Variants in GLCCI1 observed in about 807,000 individuals in gnomAD.
GLCCI1 encodes the protein glucocorticoid-induced transcript 1 protein.
In GLCCI1, 24 loss-of-function variants were observed where a neutral mutation model predicts 52.2. That is an observed-to-expected ratio of 0.46 (90% CI 0.33 to 0.65). GLCCI1 has a LOEUF of 0.65. Ranked by LOEUF, GLCCI1 falls within the 30% of genes least tolerant of loss-of-function variation. GLCCI1 has a pLI of 0.02. For missense variants in GLCCI1, 704 were observed against 701.5 expected, an observed-to-expected ratio of 1.00 and a Z score of -0.04; for synonymous variants, 310 against 276.5, an observed-to-expected ratio of 1.12 and a Z score of -1.20.
chr7:8,079,371 CTTGAGATACCTACTT>C lies in GLCCI1; in HGVS notation c.1178-5522_1178-5508del, dbSNP rs1438629198. ...ATTAAGATTGTATTACAGTGATTTT[CTTGAGATACCTACTT>C]TTGCGCAAGATACAAAATATTTTGT... On this transcript the variant is annotated intron_variant, in intron 6 of 7. Coordinates refer to ENST00000223145, the MANE Select transcript of GLCCI1 (RefSeq NM_138426.4). Among the ~76,000 whole-genome samples the C allele has an allele frequency of 6.8e-5, 10 of 146,628 alleles. No individual in the cohort carries two copies. The East Asian group carries it at 1.9e-3, about 28-fold the overall frequency.
chr7:7,999,997 TA>T (rs1339127737), intron 1 of GLCCI1, among the ~76,000 whole-genome samples: 1 of 152,216 alleles, frequency 6.6e-6, no homozygotes, highest in Non-Finnish European at 1.5e-5. Context: ...TTTTAATAAT[TA>T]AATGGACTAC....
chr7:7,968,995 G>T lies in GLCCI1; in HGVS notation c.-356G>T. The T allele has an allele frequency of 6.4e-6, 1 of 157,074 alleles. No individual in the cohort carries two copies. The highest frequency in any genetic ancestry group is 1.7e-4 in the South Asian group (1 of 5,764). 9.7% of individuals were successfully genotyped at this position (157,074 alleles called of 1,614,324 possible). On this transcript the variant is annotated 5_prime_UTR_variant, in exon 1 of 8. Transcript: ENST00000223145. ...CTGCGAGGGCTGAGGAGAAGGCTGC[G>T]AGCGGCCCTCGGGGCTGCGTGATCC... is the stretch of plus-strand genomic sequence containing the variant.
At chr7:8,052,432 G>C (rs1782279036) in intron 3 of GLCCI1, among the ~76,000 whole-genome samples, 1 of 152,186 alleles carries the variant, frequency 6.6e-6, no homozygotes, top group South Asian at 2.1e-4. Context: ...GTTTTGAGTT[G>C]GTTATGGCTT....
chr7:7,990,850 A>C lies in GLCCI1; in HGVS notation c.458-13058A>C, dbSNP rs558375197. Among the ~76,000 whole-genome samples the C allele has an allele frequency of 1.2e-4, 18 of 152,174 alleles. 1 individual carries two copies. In the East Asian group the frequency reaches 2.1e-3, roughly 18 times the overall value. The stretch of plus-strand genomic sequence containing the variant: ...TATTTCTGAAGCCTTCATTCTGTTG[A>C]GTCTGTTTATTCTGGGTTTACTCTA... On this transcript the variant is annotated intron_variant, in intron 1 of 7. Transcript: ENST00000223145.
intron 4 of GLCCI1, chr7:8,055,781 A>G: frequency 3.2e-6 from 1 of 311,296 alleles, no homozygotes; most frequent in Non-Finnish European, 6.2e-6. Context: ...CGAGGTCAGG[A>G]GATCAAGACC....
intron 1 of GLCCI1, among the ~76,000 whole-genome samples, chr7:7,973,179 G>A (rs1780391313): frequency 6.6e-6 from 1 of 152,020 alleles, no homozygotes; most frequent in Non-Finnish European, 1.5e-5. Flanking sequence ...TTTTGTAATG[G>A]TAATACATAA....
At chr7:7,985,733 A>G (rs1441236568) in intron 1 of GLCCI1, among the ~76,000 whole-genome samples, 1 of 152,198 alleles carries the variant, frequency 6.6e-6, no homozygotes, top group Non-Finnish European at 1.5e-5. Flanking sequence ...GTTTGGAGAA[A>G]AATCAATCCG....
intron 3 of GLCCI1, among the ~76,000 whole-genome samples, chr7:8,039,885 T>C (rs1781957781): frequency 6.6e-6 from 1 of 151,588 alleles, no homozygotes; most frequent in Non-Finnish European, 1.5e-5. Flanking sequence ...TAATCCCAGT[T>C]ACTTGGGCGG....
chr7:8,007,951 A>T (rs1473139013), intron 2 of GLCCI1, among the ~76,000 whole-genome samples: 1 of 152,228 alleles, frequency 6.6e-6, no homozygotes, highest in South Asian at 2.1e-4. Flanking sequence ...AATGTTAATT[A>T]AAAAAGTAGT....
intron 1 of GLCCI1, chr7:7,982,107 G>C: frequency 2.3e-6 from 1 of 435,422 alleles, no homozygotes; most frequent in Non-Finnish European, 4.5e-6. Context: ...GAGAGGAATG[G>C]CCATTATAGT....
intron 4 of GLCCI1, among the ~76,000 whole-genome samples, chr7:8,056,096 G>A (rs537576482): frequency 3.3e-5 from 5 of 151,728 alleles, no homozygotes; most frequent in Admixed American, 3.3e-4. Flanking sequence ...TCAGGAGTTC[G>A]AAACCAGCCT....
chr7:7,995,366 T>C (rs923363407), intron 1 of GLCCI1, among the ~76,000 whole-genome samples: 4 of 152,080 alleles, frequency 2.6e-5, no homozygotes, highest in Non-Finnish European at 5.9e-5. Context: ...AAAAATTAGC[T>C]GGGCGTGGTA....
chr7:7,986,918 T>C (rs1275207959), intron 1 of GLCCI1, among the ~76,000 whole-genome samples: 3 of 152,222 alleles, frequency 2.0e-5, no homozygotes, highest in Admixed American at 2.0e-4. Flanking sequence ...CAGAATTATC[T>C]ACTGAACATG....
intron 2 of GLCCI1, among the ~76,000 whole-genome samples, chr7:8,005,125 A>T (rs1332377901): frequency 1.3e-5 from 2 of 152,224 alleles, no homozygotes; most frequent in African/African-American, 4.8e-5. Context: ...AAATAGAAAT[A>T]ACTAGCAAAA....
chr7:7,994,585 C>G (rs1250993550), intron 1 of GLCCI1, among the ~76,000 whole-genome samples: 1 of 152,172 alleles, frequency 6.6e-6, no homozygotes, highest in East Asian at 1.9e-4. Context: ...TTAATGCATT[C>G]ATGAAGGCAG....
rs1344867264 is a variant in GLCCI1, at chr7:8,071,112, G to C, written c.1158G>C (p.Leu386Phe). The C allele has an allele frequency of 6.2e-7, 1 of 1,613,892 alleles. No homozygotes were observed. The highest frequency in any genetic ancestry group is 1.7e-5 in the Admixed American group (1 of 60,000). ...QDGSPCSTED[L>F]LYDRDKDSGS... ...GTAGCCCTTGCTCAACAGAAGATTT[G>C]CTCTATGATCGTGATAAAGGTAAGA... The change falls in exon 6 of 8, where the codon TTG becomes TTC. Residue 386 changes from leucine (L) to phenylalanine (F), a missense_variant. Transcript: ENST00000223145.
Position 7,993,344 on chromosome 7 carries a change from A to G in GLCCI1, c.458-10564A>G, listed in dbSNP as rs1302575457. Among the ~76,000 whole-genome samples the G allele has an allele frequency of 7.9e-5, 12 of 151,964 alleles. No individual in the cohort carries two copies. In the East Asian group the frequency reaches 9.7e-4, roughly 12 times the overall value. On this transcript the variant is annotated intron_variant, in intron 1 of 7. Coordinates refer to ENST00000223145, the MANE Select transcript of GLCCI1 (RefSeq NM_138426.4). The stretch of plus-strand genomic sequence containing the variant: ...GACTCCGTTGTCCAACTTTTTCTCA[A>G]CCTTCTCTTTTCTTTGCTTCTGTCT...
At chr7:8,018,682 T>C (rs1015261624) in intron 2 of GLCCI1, among the ~76,000 whole-genome samples, 1 of 152,176 alleles carries the variant, frequency 6.6e-6, no homozygotes, top group Non-Finnish European at 1.5e-5. Flanking sequence ...GTATCCTTTT[T>C]ACATAGAGGC....
chr7:8,028,446 G>C (rs917155741), intron 3 of GLCCI1, among the ~76,000 whole-genome samples: 15 of 152,120 alleles, frequency 9.9e-5, no homozygotes, highest in African/African-American at 3.4e-4. Context: ...CAAAATCTAT[G>C]GGATACAGCA....
Sources: gnomAD v4.1 joint callset for allele counts (sites outside exome capture counted in the v4.1 genomes callset) on GRCh38, gnomAD v4.1.1 for gene constraint, MANE v1.5 for transcripts, NCBI Gene and HGNC (gene_info 2026-07-23, HGNC 2026-07-21) for gene names.